MAG: variants seen among roughly 807,000 people sequenced by gnomAD.
The protein encoded by MAG is myelin-associated glycoprotein.
A neutral mutation model predicts 60.7 loss-of-function variants in MAG; 30 were observed. The ratio of observed to expected loss-of-function variants is 0.49; its 90% CI spans 0.37 to 0.67. MAG has a LOEUF of 0.67. MAG is among the 30% of genes least tolerant of loss of function. The probability of loss-of-function intolerance (pLI) is 0.00; values close to 1 mark genes in which losing one functional copy is unlikely to be tolerated. For synonymous variants in MAG, 384 were observed against 376.8 expected, an observed-to-expected ratio of 1.02 and a Z score of -0.22; for missense variants, 795 against 851.7, an observed-to-expected ratio of 0.93 and a Z score of 0.83.
rs143716949 is a variant in MAG at position 35,311,379 on chromosome 19, G to A, written c.1617-539G>A. Among the ~76,000 whole-genome samples, 10 of 152,188 alleles carry A rather than the reference G, an allele frequency of 6.6e-5. No individual in the cohort carries two copies. The East Asian group carries it at 1.9e-3, about 29-fold the overall frequency. On this transcript the variant is annotated intron_variant, in intron 9 of 10. Transcript: ENST00000392213. ...CTCGGGAGGCTGAGGAGGGAAGATCGCTTGAGCCTGGGAGGTTGAGGCTGT... is the reference window on the plus strand; with the variant it reads ...CTCGGGAGGCTGAGGAGGGAAGATCACTTGAGCCTGGGAGGTTGAGGCTGT...
At chr19:35,305,234 C>T (rs2066475486) in intron 7 of MAG, among the ~76,000 whole-genome samples, 1 of 152,160 alleles carries the variant, frequency 6.6e-6, no homozygotes, top group Non-Finnish European at 1.5e-5. Flanking sequence ...CCCCCTCCCT[C>T]TCCACACAGT....
At chr19:35,312,639 C>T (rs1040254702) in intron 10 of MAG, 14 of 482,208 alleles carry the variant, frequency 2.9e-5, no homozygotes, top group Non-Finnish European at 4.4e-5. Context: ...GGGCACGTAC[C>T]AAACCAGGTA....
chr19:35,296,130 C>A, intron 4 of MAG, 149 bp downstream of exon 4: 1 of 1,050,714 alleles, frequency 9.5e-7, no homozygotes, highest in Non-Finnish European at 1.4e-6. Flanking sequence ...AACCTCAAGG[C>A]CCACGCAGAC....
intron 7 of MAG, among the ~76,000 whole-genome samples, chr19:35,305,644 A>G (rs889791633): frequency 7.2e-5 from 11 of 152,122 alleles, no homozygotes; most frequent in Non-Finnish European, 1.3e-4. Context: ...ATCTTACCAC[A>G]AAGATGGCTG....
Position 35,302,591 on chromosome 19 carries a change from G to A in MAG, c.1114G>A (p.Glu372Lys), listed in dbSNP as rs768876800. The A allele has an allele frequency of 5.6e-6, 9 of 1,614,164 alleles. No individual in the cohort carries two copies. The Admixed American group carries it at 6.7e-5, about 12-fold the overall frequency. Reference sequence around the variant, plus strand: ...GCAGATCCTGTCCACGGTCATCTACGAGAGCGAGCTGCAGCTGGAGCTGCC... The same window carrying A: ...GCAGATCCTGTCCACGGTCATCTACAAGAGCGAGCTGCAGCTGGAGCTGCC... ...EKQILSTVIY[E>K]SELQLELPAV... The change falls in exon 7 of 11, where the codon GAG (glutamate) becomes AAG (lysine). Residue 372 changes from glutamate (E) to lysine (K), a missense_variant. By Grantham distance (56) the Glu-to-Lys change is moderately conservative (BLOSUM62 1). Coordinates refer to ENST00000392213, the MANE Select transcript of MAG (RefSeq NM_002361.4).
rs757126944 is a variant in MAG at position 35,295,809 on chromosome 19, C to G, written c.243C>G (p.Val81=). The change falls in exon 4 of 11, where the codon GTC becomes GTG. Residue 81 remains valine, a synonymous_variant. Coordinates refer to ENST00000392213, the MANE Select transcript of MAG (RefSeq NM_002361.4). The surrounding 1 kb of genome is among the most constrained non-coding windows in gnomAD (Gnocchi z 5.8). The part of the protein sequence containing the change: ...PVVFKSRTQV[V]HESFQGRSRL... ...TCTTCAAGTCGCGCACCCAAGTAGT[C>G]CACGAGAGCTTCCAGGGCCGCAGCC... 3 of 1,613,984 alleles carry G rather than the reference C, an allele frequency of 1.9e-6. No individual in the cohort carries two copies. The highest frequency in any genetic ancestry group is 3.3e-5 in the Admixed American group (2 of 60,004).
chr19:35,295,694 G>T lies in MAG; in HGVS notation c.128G>T (p.Arg43Leu), dbSNP rs200281744. ...GGCACGTGCGTCTCCATCCCCTGCC[G>T]CTTTGACTTCCCGGATGAGCTGCGG... is the stretch of plus-strand genomic sequence containing the variant. ...FEGTCVSIPC[R>L]FDFPDELRPA... The change falls in exon 4 of 11, where the codon CGC (arginine) becomes CTC (leucine). Residue 43 changes from arginine to leucine, a missense_variant. Coordinates refer to ENST00000392213, the MANE Select transcript of MAG (RefSeq NM_002361.4). This position sits in a 1 kb window ranked among gnomAD's most constrained non-coding sequence, Gnocchi z 5.8. The T allele has an allele frequency of 4.3e-6, 7 of 1,613,320 alleles. No individual in the cohort carries two copies. In the South Asian group the frequency reaches 4.4e-5, roughly 10 times the overall value.
At position 35,310,258 on chromosome 19, in the gene MAG, T is replaced by C. The variant is rs905156743; in HGVS notation, c.1519+97T>C. 38 of 1,405,474 alleles carry C rather than the reference T, an allele frequency of 2.7e-5. No individual in the cohort carries two copies. In the Admixed American group the frequency reaches 6.0e-4, roughly 22 times the overall value. 87.1% of individuals were successfully genotyped at this position (1,405,474 alleles called of 1,614,324 possible). ...TGACCAACAGCCACAGAGCATGGGC[T>C]ATGCAGATTGACAGAAAGGTCAAAT... On this transcript the variant is annotated intron_variant, in intron 8 of 10. Coordinates refer to ENST00000392213, the MANE Select transcript of MAG (RefSeq NM_002361.4).
intron 10 of MAG, chr19:35,312,577 T>A: frequency 1.7e-6 from 1 of 585,176 alleles, no homozygotes; most frequent in Admixed American, 3.0e-5. Context: ...AACCCACATG[T>A]CACCTGCAGG....
chr19:35,309,848 C>T lies in MAG; in HGVS notation c.1232-26C>T. On this transcript the variant is annotated intron_variant, in intron 7 of 10. Transcript: ENST00000392213. ...GGGCCTCGCGTTGGCTCCGGGCCAC[C>T]CTCAGACCTGATTTTGCCCCTGCAG... 2.5e-6 allele frequency: 4 copies of T among 1,597,026 alleles called. No individual in the cohort carries two copies. The South Asian group carries it at 4.4e-5, about 18-fold the overall frequency.
rs1428120361 is a variant in MAG at position 35,295,994 on chromosome 19, C to A, written c.415+13C>A. On this transcript the variant is annotated intron_variant, in intron 4 of 10. Transcript: ENST00000392213. This position sits in a 1 kb window ranked among gnomAD's most constrained non-coding sequence, Gnocchi z 5.8. ...CTGGATATCGTCAGTGAGTCCCCAG[C>A]GGTTGTGCAGGCACCGGGAGCTGGG... 3.2e-6 allele frequency: 5 copies of A among 1,553,228 alleles called. No homozygotes were observed. The highest frequency in any genetic ancestry group is 4.4e-6 in the Non-Finnish European group (5 of 1,147,760).
At chr19:35,313,209 C>T in intron 10 of MAG, 81 bp from the exon 11 acceptor site, 1 of 1,451,184 alleles carries the variant, frequency 6.9e-7, no homozygotes, top group Non-Finnish European at 9.2e-7. Flanking sequence ...CTCAGGAGCT[C>T]TGAGGGTGCA....
chr19:35,299,300 C>T (rs1274539661), intron 4 of MAG, among the ~76,000 whole-genome samples: 2 of 152,142 alleles, frequency 1.3e-5, no homozygotes, highest in Admixed American at 1.3e-4. Flanking sequence ...AGTTAAACGC[C>T]GTCAAGTGCT....
At position 35,309,958 on chromosome 19, in the gene MAG, A is replaced by G. The variant is rs767104726; in HGVS notation, c.1316A>G (p.Glu439Gly). 1.2e-6 allele frequency: 2 copies of G among 1,613,888 alleles called. No individual in the cohort carries two copies. Among genetic ancestry groups the G allele is most frequent in the African/African-American group, 2.7e-5 (2 of 74,928 alleles). Residue 439 changes from glutamate (E) to glycine (G), a missense_variant, in exon 8 of 11, where the codon GAG becomes GGG. Coordinates refer to ENST00000392213, the MANE Select transcript of MAG (RefSeq NM_002361.4). ...QCLCVVKSNP[E>G]PSVAFELPSR... The stretch of plus-strand genomic sequence containing the variant: ...CTGTGCGTGGTGAAGTCCAACCCGG[A>G]GCCGTCCGTGGCCTTTGAGCTGCCA...
chr19:35,313,447 T>G lies in MAG; in HGVS notation c.1874T>G (p.Val625Gly). 5 of 1,612,132 alleles carry G rather than the reference T, an allele frequency of 3.1e-6. No homozygotes were observed. The highest frequency in any genetic ancestry group is 4.2e-6 in the Non-Finnish European group (5 of 1,179,260). The change falls in exon 11 of 11, where the codon GTC becomes GGC. Residue 625 changes from valine to glycine, a missense_variant. Transcript: ENST00000392213. Reference sequence around the variant, plus strand: ...CTAGCTGAGTATGCTGAAATCCGGGTCAAGTGAAGGAGCTGGGGGCAGCCT... The same window carrying G: ...CTAGCTGAGTATGCTGAAATCCGGGGCAAGTGAAGGAGCTGGGGGCAGCCT... ...EELAEYAEIR[V>G]K
intron 4 of MAG, among the ~76,000 whole-genome samples, chr19:35,298,778 A>G (rs572287576): frequency 7.2e-4 from 103 of 142,172 alleles, no homozygotes; most frequent in African/African-American, 2.7e-3. Context: ...CATACCACAC[A>G]CGACCCAAAC....
In MAG at chr19:35,295,908, G is replaced by A; in HGVS notation, c.342G>A (p.Lys114=). Residue 114 remains lysine (K), a synonymous_variant, in exon 4 of 11, where the codon AAG becomes AAA. Coordinates refer to ENST00000392213, the MANE Select transcript of MAG (RefSeq NM_002361.4). The surrounding 1 kb of genome is among the most constrained non-coding windows in gnomAD (Gnocchi z 5.8). ...ACGTCAGCCCCGAGCTGGGCGGGAAGTACTACTTCCGTGGGGACCTGGGCG... is the reference window on the plus strand; with the variant it reads ...ACGTCAGCCCCGAGCTGGGCGGGAAATACTACTTCCGTGGGGACCTGGGCG... The part of the protein sequence containing the change: ...LSNVSPELGG[K]YYFRGDLGGY... The A allele has an allele frequency of 6.2e-7, 1 of 1,614,020 alleles. No homozygotes were observed. The highest frequency in any genetic ancestry group is 8.5e-7 in the Non-Finnish European group (1 of 1,180,002).
chr19:35,297,886 C>T (rs2066413588), intron 4 of MAG, among the ~76,000 whole-genome samples: 1 of 149,806 alleles, frequency 6.7e-6, no homozygotes, highest in Admixed American at 6.7e-5. Flanking sequence ...ACCAAACACA[C>T]ACCACACACA....
intron 1 of MAG, among the ~76,000 whole-genome samples, chr19:35,292,768 CTT>C (rs568196327): frequency 6.9e-6 from 1 of 145,922 alleles, no homozygotes; most frequent in Admixed American, 6.9e-5. Flanking sequence ...TTTTTCGTTA[CTT>C]TTTTTTTTTT....
Sources: gnomAD v4.1 joint callset for allele counts (sites outside exome capture counted in the v4.1 genomes callset) on GRCh38, gnomAD v4.1.1 for gene constraint, Gnocchi (gnomAD v3.1) non-coding constraint, MANE v1.5 for transcripts, NCBI Gene and HGNC (gene_info 2026-07-23, HGNC 2026-07-21) for gene names.